KCNMA1: variants seen among roughly 807,000 people sequenced by gnomAD.
KCNMA1 encodes potassium calcium-activated channel subfamily M alpha 1.
In KCNMA1, 29 loss-of-function variants were observed where a neutral mutation model predicts 140.0. The observed-to-expected ratio is 0.21, with a 90% CI of 0.15 to 0.28. The LOEUF (loss-of-function observed/expected upper bound fraction) is 0.28. Among genes scored for constraint, KCNMA1 ranks in the 10% least tolerant of loss-of-function variants. The probability of loss-of-function intolerance (pLI) is 1.00; values close to 1 mark genes in which losing one functional copy is unlikely to be tolerated. For synonymous variants in KCNMA1, 612 were observed against 611.9 expected, an observed-to-expected ratio of 1.00 and a Z score of 0.00; for missense variants, 880 against 1,602.2, an observed-to-expected ratio of 0.55 and a Z score of 7.70.
At chr10:77,312,988 C>T (rs2079751999) in intron 2 of KCNMA1, among the ~76,000 whole-genome samples, 1 of 152,222 alleles carries the variant, frequency 6.6e-6, no homozygotes, top group Non-Finnish European at 1.5e-5. Flanking sequence ...ACTCTCACAA[C>T]CATCCTCAGA....
intron 1 of KCNMA1, among the ~76,000 whole-genome samples, chr10:77,537,723 G>A (rs1410295073): frequency 1.3e-5 from 2 of 151,932 alleles, no homozygotes; most frequent in Non-Finnish European, 2.9e-5. Context: ...CTATTATTGT[G>A]ACTATAACAA....
At chr10:77,262,980 G>A (rs2062430230) in intron 2 of KCNMA1, among the ~76,000 whole-genome samples, 1 of 152,148 alleles carries the variant, frequency 6.6e-6, no homozygotes, top group African/African-American at 2.4e-5. Flanking sequence ...GGCTGAAATG[G>A]TAAATCTTAT....
chr10:77,500,029 T>C (rs1360434300), intron 1 of KCNMA1, among the ~76,000 whole-genome samples: 2 of 152,006 alleles, frequency 1.3e-5, no homozygotes, highest in Non-Finnish European at 2.9e-5. Context: ...ACATTAACCA[T>C]TGGCAAAATA....
chr10:77,488,007 G>A (rs1192191969), intron 1 of KCNMA1, among the ~76,000 whole-genome samples: 1 of 152,136 alleles, frequency 6.6e-6, no homozygotes, highest in East Asian at 1.9e-4. Context: ...TCTGCAATAT[G>A]GGTTAACTGT....
chr10:76,962,180 A>G (rs2071783718), intron 20 of KCNMA1, among the ~76,000 whole-genome samples: 1 of 152,248 alleles, frequency 6.6e-6, no homozygotes, highest in African/African-American at 2.4e-5. Flanking sequence ...CTTACAGGCA[A>G]AGACAGCAAA....
chr10:76,928,585 A>G (rs1233915748), intron 23 of KCNMA1, among the ~76,000 whole-genome samples: 11 of 152,206 alleles, frequency 7.2e-5, no homozygotes, highest in Admixed American at 5.9e-4. Context: ...TATAATATTT[A>G]TATTCCGACT....
chr10:77,364,947 A>G (rs765475047), intron 2 of KCNMA1, among the ~76,000 whole-genome samples: 1 of 152,266 alleles, frequency 6.6e-6, no homozygotes, highest in Admixed American at 6.5e-5. Context: ...ACCTGCTTAC[A>G]AAGCTAGTCC....
intron 2 of KCNMA1, among the ~76,000 whole-genome samples, chr10:77,384,971 G>A (rs1244742689): frequency 6.6e-6 from 1 of 152,166 alleles, no homozygotes; most frequent in Admixed American, 6.5e-5. Context: ...CTTATTGGAT[G>A]TGTGATCTCA....
intron 19 of KCNMA1, among the ~76,000 whole-genome samples, chr10:76,983,299 C>T (rs1315683259): frequency 6.6e-6 from 1 of 152,234 alleles, no homozygotes; most frequent in Non-Finnish European, 1.5e-5. Flanking sequence ...ACATACATTA[C>T]ATTATCTAGA....
intron 1 of KCNMA1, among the ~76,000 whole-genome samples, chr10:77,522,790 T>C (rs1724705282): frequency 6.6e-6 from 1 of 152,236 alleles, no homozygotes; most frequent in South Asian, 2.1e-4. Context: ...AGTAAACCCA[T>C]TGTATCACAT....
At chr10:77,025,375 T>C (rs2093353298) in intron 16 of KCNMA1, 1 of 1,245,396 alleles carries the variant, frequency 8.0e-7, no homozygotes, top group South Asian at 1.4e-5. Context: ...TCTTGGCAAA[T>C]GGTTAGTCCT....
At chr10:77,428,951 G>A (rs1013160279) in intron 1 of KCNMA1, among the ~76,000 whole-genome samples, 1 of 152,130 alleles carries the variant, frequency 6.6e-6, no homozygotes, top group Non-Finnish European at 1.5e-5. Flanking sequence ...GGCCACTAGG[G>A]GTGGAAACAA....
intron 14 of KCNMA1, among the ~76,000 whole-genome samples, chr10:77,054,310 C>A (rs993120737): frequency 1.3e-5 from 2 of 152,146 alleles, no homozygotes; most frequent in African/African-American, 4.8e-5. Context: ...AAGAAATCAA[C>A]AGAAGCTTCT....
chr10:77,392,156 AAGGG>A (rs1230367154), intron 2 of KCNMA1, among the ~76,000 whole-genome samples: 1 of 99,712 alleles, frequency 1.0e-5, no homozygotes, highest in African/African-American at 4.0e-5. Context: ...GGGAGGGAGG[AAGGG>A]AGGGAGGGAG....
rs144469000 is a variant in KCNMA1 at position 77,056,921 on chromosome 10, C to T, written c.1749+16176G>A. Among the ~76,000 whole-genome samples, 182 of 152,116 alleles carry T rather than the reference C, an allele frequency of 1.2e-3. 1 individual carries two copies. The highest frequency in any genetic ancestry group is 8.3e-3 in the South Asian group (40 of 4,812). ...AAAGTTTCACACAGAGCCTCAGGGT[C>T]CTCTGATACATCAGAAAAAGATTTA... On this transcript the variant is annotated intron_variant, in intron 14 of 27. Coordinates refer to ENST00000286628, the MANE Select transcript of KCNMA1 (RefSeq NM_001161352.2).
At chr10:77,032,733 C>CT (rs570751961) in intron 15 of KCNMA1, among the ~76,000 whole-genome samples, 661 of 148,156 alleles carry the variant, frequency 4.5e-3, no homozygotes, top group Non-Finnish European at 5.9e-3. Flanking sequence ...GCCCAACCCC[C>CT]CTTTTTTTTT....
At chr10:77,242,899 T>TACACACACACACACAC (rs199668848) in intron 3 of KCNMA1, among the ~76,000 whole-genome samples, 7 of 111,664 alleles carry the variant, frequency 6.3e-5, no homozygotes, top group East Asian at 6.2e-4. Context: ...AATTGTTTCC[T>TACACACACACACACAC]ACACACACAC....
At chr10:76,954,941 T>C (rs2067634610) in intron 20 of KCNMA1, among the ~76,000 whole-genome samples, 1 of 152,186 alleles carries the variant, frequency 6.6e-6, no homozygotes, top group Non-Finnish European at 1.5e-5. Context: ...ATAGTCAATG[T>C]CCATGCTTTT....
chr10:77,186,269 G>A (rs548216), intron 3 of KCNMA1, among the ~76,000 whole-genome samples: 74,256 of 151,588 alleles, frequency 0.49, 19,098 homozygotes, highest in East Asian at 0.72. Context: ...CCCAAATCAC[G>A]TGGAAAAATC....
Sources: allele counts gnomAD v4.1 joint callset (sites outside exome capture counted in the v4.1 genomes callset), GRCh38; gene constraint gnomAD v4.1.1; transcripts MANE v1.5; gene names NCBI Gene and HGNC (gene_info 2026-07-23, HGNC 2026-07-21).